MACROD2: variants seen among roughly 807,000 people sequenced by gnomAD.
MACROD2 encodes the protein ADP-ribose glycohydrolase MACROD2.
MACROD2 carries 36 observed loss-of-function variants against 70.4 expected under a neutral mutation model. The ratio of observed to expected loss-of-function variants is 0.51; its 90% CI spans 0.39 to 0.68. MACROD2 has a LOEUF of 0.68. MACROD2 is among the 30% of genes least tolerant of loss of function. The probability of loss-of-function intolerance (pLI) is 0.00; values close to 1 mark genes in which losing one functional copy is unlikely to be tolerated. For synonymous variants in MACROD2, 172 were observed against 178.8 expected, an observed-to-expected ratio of 0.96 and a Z score of 0.30; for missense variants, 496 against 538.4, an observed-to-expected ratio of 0.92 and a Z score of 0.78.
intron 3 of MACROD2, among the ~76,000 whole-genome samples, chr20:14,493,010 T>C (rs1257531691): frequency 2.0e-5 from 3 of 152,114 alleles, no homozygotes; most frequent in Non-Finnish European, 1.5e-5. Context: ...ATTGTTATTA[T>C]TTAAGAGTTA....
At chr20:14,056,790 C>G (rs1195797440) in intron 2 of MACROD2, among the ~76,000 whole-genome samples, 1 of 151,140 alleles carries the variant, frequency 6.6e-6, no homozygotes, top group African/African-American at 2.4e-5. Context: ...AAGGTGAGTC[C>G]TCTGAAGGGT....
chr20:15,655,945 T>C (rs1395334903), intron 8 of MACROD2, among the ~76,000 whole-genome samples: 17 of 152,202 alleles, frequency 1.1e-4, no homozygotes, highest in Non-Finnish European at 1.5e-5. Context: ...GAATTAAGTC[T>C]TTACCATCAT....
At chr20:15,375,395 G>A (rs1163031283) in intron 6 of MACROD2, among the ~76,000 whole-genome samples, 1 of 152,140 alleles carries the variant, frequency 6.6e-6, no homozygotes, top group African/African-American at 2.4e-5. Context: ...AATTGAAAGA[G>A]CTCCAAGAAA....
At chr20:14,415,809 T>C (rs1227012289) in intron 3 of MACROD2, among the ~76,000 whole-genome samples, 1 of 152,178 alleles carries the variant, frequency 6.6e-6, no homozygotes, top group African/African-American at 2.4e-5. Flanking sequence ...CTGGTAGTCT[T>C]AGGAAAGTAA....
intron 8 of MACROD2, among the ~76,000 whole-genome samples, chr20:15,738,842 C>G (rs551276524): frequency 6.6e-6 from 1 of 151,958 alleles, no homozygotes; most frequent in South Asian, 2.1e-4. Flanking sequence ...GATGTTCTGT[C>G]GGGGAGGAGA....
chr20:15,216,786 C>T (rs763925923), intron 5 of MACROD2, among the ~76,000 whole-genome samples: 12 of 152,262 alleles, frequency 7.9e-5, no homozygotes, highest in East Asian at 5.8e-4. Flanking sequence ...TCTCAGAAGA[C>T]GCCCGTGAAA....
chr20:14,051,647 T>G (rs1304138492), intron 2 of MACROD2, among the ~76,000 whole-genome samples: 1 of 152,148 alleles, frequency 6.6e-6, no homozygotes, highest in Non-Finnish European at 1.5e-5. Context: ...TCATCTTTTT[T>G]GGAATGAGTC....
intron 1 of MACROD2, among the ~76,000 whole-genome samples, chr20:14,000,854 T>G (rs74597261): frequency 6.6e-6 from 1 of 152,230 alleles, no homozygotes; most frequent in Non-Finnish European, 1.5e-5. Context: ...GGCATACAAG[T>G]CCCTGTACAG....
At chr20:14,980,598 T>C (rs1029825082) in intron 5 of MACROD2, among the ~76,000 whole-genome samples, 2 of 152,196 alleles carry the variant, frequency 1.3e-5, no homozygotes, top group African/African-American at 4.8e-5. Context: ...ACTTATGTAA[T>C]TGGCCAAGTG....
At chr20:14,040,134 T>G (rs997222818) in intron 2 of MACROD2, among the ~76,000 whole-genome samples, 2 of 152,098 alleles carry the variant, frequency 1.3e-5, no homozygotes, top group African/African-American at 4.8e-5. Context: ...TTCTGAGAAA[T>G]GTGTAGTTAG....
At chr20:15,848,815 C>T (rs1395433280) in intron 8 of MACROD2, among the ~76,000 whole-genome samples, 4 of 152,082 alleles carry the variant, frequency 2.6e-5, no homozygotes, top group Non-Finnish European at 4.4e-5. Context: ...TTAGGTCACT[C>T]AGAGCCCACT....
intron 8 of MACROD2, among the ~76,000 whole-genome samples, chr20:15,824,065 A>G (rs903869009): frequency 2.6e-5 from 4 of 152,156 alleles, no homozygotes; most frequent in South Asian, 2.1e-4. Context: ...TTGCTGAGCA[A>G]TTGGTGGCTA....
chr20:14,135,495 C>CT (rs1202962445), intron 3 of MACROD2, among the ~76,000 whole-genome samples: 1 of 151,898 alleles, frequency 6.6e-6, no homozygotes, highest in African/African-American at 2.4e-5. Flanking sequence ...TAGGGAGACT[C>CT]TGTCTCTACA....
chr20:15,811,519 C>G (rs2063821442), intron 8 of MACROD2, among the ~76,000 whole-genome samples: 1 of 152,182 alleles, frequency 6.6e-6, no homozygotes, highest in African/African-American at 2.4e-5. Context: ...ATTTAATTTT[C>G]TTTATATTGC....
At chr20:14,081,535 G>A (rs2053994914) in intron 2 of MACROD2, among the ~76,000 whole-genome samples, 1 of 152,194 alleles carries the variant, frequency 6.6e-6, no homozygotes, top group South Asian at 2.1e-4. Context: ...TACAAGCTGA[G>A]TTGGTGCTTT....
chr20:15,311,050 G>T (rs111542473), intron 6 of MACROD2, among the ~76,000 whole-genome samples: 1 of 152,100 alleles, frequency 6.6e-6, no homozygotes. Context: ...AATAGAATAG[G>T]TAAAGACTTA....
At chr20:14,761,213 A>T (rs1342308285) in intron 5 of MACROD2, among the ~76,000 whole-genome samples, 1 of 152,100 alleles carries the variant, frequency 6.6e-6, no homozygotes, top group Non-Finnish European at 1.5e-5. Context: ...GGGTATTGTT[A>T]AGATCTCTGC....
intron 5 of MACROD2, among the ~76,000 whole-genome samples, chr20:15,023,717 T>C (rs1165494945): frequency 6.6e-6 from 1 of 152,084 alleles, no homozygotes; most frequent in Non-Finnish European, 1.5e-5. Context: ...GAAAACAGCA[T>C]GGGAAAGACC....
intron 6 of MACROD2, among the ~76,000 whole-genome samples, chr20:15,341,777 A>T (rs1194745036): frequency 1.3e-5 from 2 of 152,212 alleles, no homozygotes; most frequent in Non-Finnish European, 2.9e-5. Flanking sequence ...AAGACTATGC[A>T]TGGTGGCTCA....
Sources: allele counts gnomAD v4.1 joint callset (sites outside exome capture counted in the v4.1 genomes callset), GRCh38; gene constraint gnomAD v4.1.1; transcripts MANE v1.5; gene names NCBI Gene and HGNC (gene_info 2026-07-23, HGNC 2026-07-21).